Variants in SLC35A3 observed in about 807,000 individuals in gnomAD.
The protein encoded by SLC35A3 is UDP-N-acetylglucosamine transporter.
A neutral mutation model predicts 39.0 loss-of-function variants in SLC35A3; 26 were observed. The observed-to-expected ratio is 0.67, with a 90% confidence interval of 0.49 to 0.92. The LOEUF (loss-of-function observed/expected upper bound fraction) is 0.92. SLC35A3 is among the 40% of genes least tolerant of loss of function. SLC35A3 has a pLI of 0.00. For synonymous variants in SLC35A3, 135 were observed against 133.1 expected, an observed-to-expected ratio of 1.01 and a Z score of -0.10; for missense variants, 299 against 371.6, an observed-to-expected ratio of 0.80 and a Z score of 1.61.
Position 100,030,634 on chromosome 1 carries a change from C to CTAAATCAGACTTGTGTGAT in SLC35A3, c.*8160_*8178dup, listed in dbSNP as rs571986191. 1.1e-4 allele frequency: 16 copies of CTAAATCAGACTTGTGTGAT among 152,250 alleles called. No individual in the cohort carries two copies. In the South Asian group the frequency reaches 3.3e-3, roughly 32 times the overall value. The allele number at this position is 152,250 out of a possible 1,614,324, so 9.4% of individuals were successfully genotyped here. On this transcript the variant is annotated 3_prime_UTR_variant, in exon 8 of 8. Transcript: ENST00000533028. ...TATTTAAGAGGTTCAGTTAAATGTA[C>CTAAATCAGACTTGTGTGAT]TAAATCAGACTTGTGTGATTTAGAC...
rs1661261718 is a variant in SLC35A3 at position 100,031,778 on chromosome 1, A to C, written c.*9302A>C. 1 of 152,190 alleles carries C rather than the reference A, an allele frequency of 6.6e-6. No homozygotes were observed. The allele number at this position is 152,190 out of a possible 1,614,324, so 9.4% of individuals were successfully genotyped here. A position where few individuals can be genotyped will look rare whatever the true frequency, so the allele number is the denominator to read the frequency against. On this transcript the variant is annotated 3_prime_UTR_variant, in exon 8 of 8. Coordinates refer to ENST00000533028, the MANE Select transcript of SLC35A3 (RefSeq NM_012243.3). The stretch of plus-strand genomic sequence containing the variant: ...TTTTTTGTTTTGGAACGAGGGTAAA[A>C]TCAAGGTTAATGCTTTGTATTTGAT...
At chr1:100,002,823 C>A (rs1327809245) in intron 3 of SLC35A3, among the ~76,000 whole-genome samples, 2 of 151,690 alleles carry the variant, frequency 1.3e-5, no homozygotes, top group Non-Finnish European at 2.9e-5. Flanking sequence ...TTATGTTGCC[C>A]AGGTTGGTCT....
Position 100,026,913 on chromosome 1 carries a change from T to G in SLC35A3, c.*4437T>G. The G allele has an allele frequency of 3.0e-6, 1 of 332,306 alleles. No homozygotes were observed. The allele number at this position is 332,306 out of a possible 1,614,324, so 20.6% of individuals were successfully genotyped here. On this transcript the variant is annotated 3_prime_UTR_variant, in exon 8 of 8. Coordinates refer to ENST00000533028, the MANE Select transcript of SLC35A3 (RefSeq NM_012243.3). ...ATAAACTTCTCTTGTCATTTTTTGGTATCCAGCTATTACCTATTTAATAGA... is the reference window on the plus strand; with the variant it reads ...ATAAACTTCTCTTGTCATTTTTTGGGATCCAGCTATTACCTATTTAATAGA...
chr1:100,003,008 A>C (rs1658924367), intron 3 of SLC35A3, among the ~76,000 whole-genome samples: 2 of 151,828 alleles, frequency 1.3e-5, no homozygotes, highest in Admixed American at 1.3e-4. Context: ...GTTTATATGA[A>C]TCTTTCTAAT....
intron 1 of SLC35A3, among the ~76,000 whole-genome samples, chr1:99,974,804 A>C (rs992721026): frequency 1.3e-5 from 2 of 152,218 alleles, no homozygotes; most frequent in African/African-American, 4.8e-5. Context: ...GATCTAAATG[A>C]GATAATACCT....
In SLC35A3 at chr1:100,035,018, C is replaced by T. The variant is rs775876739; in HGVS notation, c.*12542C>T. ...TTTCTGTTGATCCTAACCAAAAAAC[C>T]CTAACTGAGATATCAGTCTCTTAGC... On this transcript the variant is annotated 3_prime_UTR_variant, in exon 8 of 8. Transcript: ENST00000533028. The T allele has an allele frequency of 2.6e-5, 4 of 152,086 alleles. No individual in the cohort carries two copies. Among genetic ancestry groups the T allele is most frequent in the Non-Finnish European group, 4.4e-5 (3 of 68,022 alleles). The allele number at this position is 152,086 out of a possible 1,614,324, so 9.4% of individuals were successfully genotyped here. A position where few individuals can be genotyped will look rare whatever the true frequency, so the allele number is the denominator to read the frequency against.
intron 2 of SLC35A3, among the ~76,000 whole-genome samples, chr1:99,995,545 G>A (rs1570591171): frequency 6.6e-6 from 1 of 152,234 alleles, no homozygotes; most frequent in East Asian, 1.9e-4. Context: ...TCCAGCTTGA[G>A]GAATAATTGC....
In SLC35A3 at chr1:100,026,746, C is replaced by G. The variant is rs1178346127; in HGVS notation, c.*4270C>G. The stretch of plus-strand genomic sequence containing the variant: ...AAAAACTTTTTAAAATAATTTGGAT[C>G]CTGACTTTGTCTATATCTGTATTTC... On this transcript the variant is annotated 3_prime_UTR_variant, in exon 8 of 8. Transcript: ENST00000533028. 1 of 153,334 alleles carries G rather than the reference C, an allele frequency of 6.5e-6. No individual in the cohort carries two copies. Among genetic ancestry groups the G allele is most frequent in the African/African-American group, 2.4e-5 (1 of 41,456 alleles). 9.5% of individuals were successfully genotyped at this position (153,334 alleles called of 1,614,324 possible).
intron 1 of SLC35A3, among the ~76,000 whole-genome samples, chr1:99,988,788 G>A (rs1657904782): frequency 6.7e-6 from 1 of 148,618 alleles, no homozygotes; most frequent in African/African-American, 2.5e-5. Flanking sequence ...TTTTATTTGA[G>A]AGGGTCTTGC....
intron 1 of SLC35A3, among the ~76,000 whole-genome samples, chr1:99,990,871 C>T (rs138638414): frequency 0.011 from 1,734 of 152,106 alleles, 38 homozygotes; most frequent in African/African-American, 0.04. Context: ...AAAAAGAGAC[C>T]CCAGAGAACT....
At chr1:99,981,790 A>G (rs1198187978) in intron 1 of SLC35A3, among the ~76,000 whole-genome samples, 1 of 151,574 alleles carries the variant, frequency 6.6e-6, no homozygotes, top group African/African-American at 2.4e-5. Context: ...CTGTGTATGA[A>G]TTTTAGTACA....
rs1026031616 is a variant in SLC35A3, at chr1:100,022,242, G to A, written c.888-144G>A. 5.6e-6 allele frequency: 3 copies of A among 531,476 alleles called. No individual in the cohort carries two copies. In the African/African-American group the frequency reaches 5.8e-5, roughly 10 times the overall value. The allele number at this position is 531,476 out of a possible 1,614,324, so 32.9% of individuals were successfully genotyped here. ...AAGCACTTAGCCAGATACCTGGAATGTAGTAAGTACTCAAGATTTGTTAGC... is the reference window on the plus strand; with the variant it reads ...AAGCACTTAGCCAGATACCTGGAATATAGTAAGTACTCAAGATTTGTTAGC... On this transcript the variant is annotated intron_variant, in intron 7 of 7. Coordinates refer to ENST00000533028, the MANE Select transcript of SLC35A3 (RefSeq NM_012243.3).
rs1403542652 is a variant in SLC35A3 at position 100,033,131 on chromosome 1, C to A, written c.*10655C>A. On this transcript the variant is annotated 3_prime_UTR_variant, in exon 8 of 8. Coordinates refer to ENST00000533028, the MANE Select transcript of SLC35A3 (RefSeq NM_012243.3). ...GCTAGGAAATACAATTTTAAAAGAT[C>A]ATGAATTCAAATTAATATTTACAAC... 1 of 151,968 alleles carries A rather than the reference C, an allele frequency of 6.6e-6. No homozygotes were observed. The highest frequency in any genetic ancestry group is 1.9e-4 in the East Asian group (1 of 5,184). 9.4% of individuals were successfully genotyped at this position (151,968 alleles called of 1,614,324 possible).
At chr1:100,014,232 A>AT (rs1367866727) in intron 5 of SLC35A3, among the ~76,000 whole-genome samples, 2 of 151,924 alleles carry the variant, frequency 1.3e-5, no homozygotes, top group Admixed American at 6.6e-5. Flanking sequence ...TTATTTATTT[A>AT]TTTTTTTAGA....
Position 100,022,591 on chromosome 1 carries a change from A to C in SLC35A3, c.*115A>C, listed in dbSNP as rs972044711. 1.4e-5 allele frequency: 7 copies of C among 500,600 alleles called. No individual in the cohort carries two copies. Among genetic ancestry groups the C allele is most frequent in the Non-Finnish European group, 2.5e-5 (7 of 279,738 alleles). 31.0% of individuals were successfully genotyped at this position (500,600 alleles called of 1,614,324 possible). ...AGATATCATCATGCTGAATCTGATCATACTGTTTTTTAAAAGTTTAAGGAT... is the reference window on the plus strand; with the variant it reads ...AGATATCATCATGCTGAATCTGATCCTACTGTTTTTTAAAAGTTTAAGGAT... On this transcript the variant is annotated 3_prime_UTR_variant, in exon 8 of 8. Transcript: ENST00000533028.
At chr1:99,994,631 A>G (rs1278902851) in intron 2 of SLC35A3, among the ~76,000 whole-genome samples, 1 of 152,140 alleles carries the variant, frequency 6.6e-6, no homozygotes, top group Non-Finnish European at 1.5e-5. Context: ...ATTCCTTTTT[A>G]TGGCTGAATA....
rs373354727 is a variant in SLC35A3 at position 100,034,645 on chromosome 1, TG to T, written c.*12172del. On this transcript the variant is annotated 3_prime_UTR_variant, in exon 8 of 8. Coordinates refer to ENST00000533028, the MANE Select transcript of SLC35A3 (RefSeq NM_012243.3). ...TATAGAATGGAGGGTAGAAGGGATG[TG>T]GGTGACTTACTCAGTTTTTAGTTAA... 11 of 152,106 alleles carry T rather than the reference TG, an allele frequency of 7.2e-5. No homozygotes were observed. The highest frequency in any genetic ancestry group is 2.4e-4 in the African/African-American group (10 of 41,514). 9.4% of individuals were successfully genotyped at this position (152,106 alleles called of 1,614,324 possible). A position where few individuals can be genotyped will look rare whatever the true frequency, so the allele number is the denominator to read the frequency against.
intron 7 of SLC35A3, among the ~76,000 whole-genome samples, chr1:100,021,198 A>G (rs1037679595): frequency 1.3e-5 from 2 of 152,092 alleles, no homozygotes; most frequent in African/African-American, 4.8e-5. Context: ...CCCCATCTCT[A>G]CTAAAAATTC....
chr1:99,990,871 C>G (rs138638414), intron 1 of SLC35A3, among the ~76,000 whole-genome samples: 1 of 151,994 alleles, frequency 6.6e-6, no homozygotes, highest in East Asian at 1.9e-4. Flanking sequence ...AAAAAGAGAC[C>G]CCAGAGAACT....
Sources: gnomAD v4.1 joint callset for allele counts (sites outside exome capture counted in the v4.1 genomes callset) on GRCh38, gnomAD v4.1.1 for gene constraint, MANE v1.5 for transcripts, NCBI Gene and HGNC (gene_info 2026-07-23, HGNC 2026-07-21) for gene names.